The following MARCHF1 variants were observed in gnomAD, a reference collection of about 807,000 sequenced individuals.
MARCHF1 encodes membrane associated ring-CH-type finger 1.
A neutral mutation model predicts 54.2 loss-of-function variants in MARCHF1; 40 were observed. The ratio of observed to expected loss-of-function variants is 0.74; its 90% CI spans 0.57 to 0.96. The LOEUF is 0.96. MARCHF1 is among the 40% of genes least tolerant of loss of function. The pLI is 0.00. For synonymous variants in MARCHF1, 236 were observed against 236.3 expected, an observed-to-expected ratio of 1.00 and a Z score of 0.01; for missense variants, 586 against 656.5, an observed-to-expected ratio of 0.89 and a Z score of 1.17.
chr4:163,617,452 C>A (rs888298477), intron 5 of MARCHF1, among the ~76,000 whole-genome samples: 1 of 152,084 alleles, frequency 6.6e-6, no homozygotes, highest in Non-Finnish European at 1.5e-5. Flanking sequence ...TTGATCACTA[C>A]AAATTGTATA....
At chr4:164,360,748 A>G (rs1730700469) in intron 1 of MARCHF1, among the ~76,000 whole-genome samples, 2 of 152,090 alleles carry the variant, frequency 1.3e-5, no homozygotes. Flanking sequence ...CGGTCTCCAA[A>G]ACTTCTATTG....
At chr4:163,717,258 G>A (rs1455913651) in intron 4 of MARCHF1, among the ~76,000 whole-genome samples, 1 of 148,098 alleles carries the variant, frequency 6.8e-6, no homozygotes, top group Non-Finnish European at 1.5e-5. Flanking sequence ...TTGGTTTTTT[G>A]TCCTTGCGAT....
At chr4:164,107,473 C>T (rs1755731972) in intron 2 of MARCHF1, among the ~76,000 whole-genome samples, 1 of 152,034 alleles carries the variant, frequency 6.6e-6, no homozygotes, top group African/African-American at 2.4e-5. Context: ...CAGTCCTCTC[C>T]CCACTCAGCA....
chr4:164,116,383 G>T (rs1329673384), intron 1 of MARCHF1, among the ~76,000 whole-genome samples: 4 of 152,070 alleles, frequency 2.6e-5, no homozygotes, highest in Non-Finnish European at 5.9e-5. Flanking sequence ...ACTATCTTAG[G>T]ATTTGCAGGC....
intron 3 of MARCHF1, among the ~76,000 whole-genome samples, chr4:163,875,367 C>G (rs1240145549): frequency 1.3e-5 from 2 of 152,090 alleles, no homozygotes; most frequent in Non-Finnish European, 1.5e-5. Context: ...GGCAACTCAG[C>G]AAGTCTCAGC....
chr4:163,851,284 A>G (rs576118493), intron 4 of MARCHF1, among the ~76,000 whole-genome samples: 46 of 152,168 alleles, frequency 3.0e-4, no homozygotes, highest in Non-Finnish European at 6.0e-4. Context: ...AGGTGGTCAG[A>G]GCTTATTCAA....
chr4:164,137,519 C>T (rs974125040), intron 1 of MARCHF1, among the ~76,000 whole-genome samples: 4 of 151,890 alleles, frequency 2.6e-5, no homozygotes, highest in South Asian at 2.1e-4. Context: ...ACGATATTAG[C>T]GGAAAATGCG....
intron 4 of MARCHF1, among the ~76,000 whole-genome samples, chr4:163,822,577 A>C (rs573708698): frequency 3.9e-5 from 6 of 152,026 alleles, no homozygotes; most frequent in African/African-American, 1.4e-4. Context: ...CTGCACGTTA[A>C]ACAAAAAATT....
intron 2 of MARCHF1, among the ~76,000 whole-genome samples, chr4:164,067,335 C>T (rs2111081921): frequency 6.6e-6 from 1 of 152,262 alleles, no homozygotes; most frequent in South Asian, 2.1e-4. Flanking sequence ...TTAAACTATA[C>T]TATAAGGCTA....
chr4:164,118,903 A>G (rs1364066665), intron 1 of MARCHF1, among the ~76,000 whole-genome samples: 1 of 151,542 alleles, frequency 6.6e-6, no homozygotes, highest in African/African-American at 2.4e-5. Context: ...CACAACTACC[A>G]TTAAAAATTA....
At chr4:163,768,338 T>C (rs1747052056) in intron 4 of MARCHF1, among the ~76,000 whole-genome samples, 1 of 152,190 alleles carries the variant, frequency 6.6e-6, no homozygotes. Flanking sequence ...TCGTCTCTTG[T>C]TGAAAAGAAC....
intron 3 of MARCHF1, among the ~76,000 whole-genome samples, chr4:163,931,446 T>A (rs1751674022): frequency 6.6e-6 from 1 of 152,072 alleles, no homozygotes; most frequent in Non-Finnish European, 1.5e-5. Flanking sequence ...ATGAATGGGA[T>A]TAGTGCCTTC....
At chr4:164,087,609 G>T (rs1464342154) in intron 2 of MARCHF1, among the ~76,000 whole-genome samples, 1 of 152,064 alleles carries the variant, frequency 6.6e-6, no homozygotes, top group African/African-American at 2.4e-5. Context: ...TATATAAGAT[G>T]AATGTACTCT....
intron 3 of MARCHF1, among the ~76,000 whole-genome samples, chr4:163,860,558 AG>A (rs1749900691): frequency 6.6e-6 from 1 of 152,130 alleles, no homozygotes; most frequent in South Asian, 2.1e-4. Flanking sequence ...TATGGTGGGG[AG>A]GGAAGCTAAG....
intron 2 of MARCHF1, among the ~76,000 whole-genome samples, chr4:164,098,592 T>G (rs1755465981): frequency 6.6e-6 from 1 of 152,230 alleles, no homozygotes. Context: ...CTGTGTGATT[T>G]GTGTGTCACA....
At chr4:164,129,707 T>G (rs1756262149) in intron 1 of MARCHF1, among the ~76,000 whole-genome samples, 1 of 152,064 alleles carries the variant, frequency 6.6e-6, no homozygotes, top group South Asian at 2.1e-4. Flanking sequence ...AGTGTGGAAT[T>G]TTTTTAGTAA....
chr4:163,950,293 A>AGAGGG (rs1752108572), intron 3 of MARCHF1, among the ~76,000 whole-genome samples: 2 of 152,266 alleles, frequency 1.3e-5, no homozygotes, highest in East Asian at 3.9e-4. Context: ...TCAGTGCCCA[A>AGAGGG]AGTCCAGAGG....
intron 1 of MARCHF1, among the ~76,000 whole-genome samples, chr4:164,253,450 ATAAG>A (rs1233665319): frequency 8.5e-5 from 13 of 152,166 alleles, no homozygotes; most frequent in South Asian, 2.1e-4. Flanking sequence ...TAACACTTAA[ATAAG>A]TAATGATTTT....
intron 4 of MARCHF1, among the ~76,000 whole-genome samples, chr4:163,740,545 G>A (rs1304466496): frequency 6.6e-6 from 1 of 152,152 alleles, no homozygotes; most frequent in Non-Finnish European, 1.5e-5. Context: ...ACATTCAGTG[G>A]GTTGTGTAAC....
Sources: gnomAD v4.1 joint callset for allele counts (sites outside exome capture counted in the v4.1 genomes callset) on GRCh38, gnomAD v4.1.1 for gene constraint, MANE v1.5 for transcripts, NCBI Gene and HGNC (gene_info 2026-07-23, HGNC 2026-07-21) for gene names.